Variants in OPCML observed in about 807,000 individuals in gnomAD.
OPCML encodes opioid binding protein/cell adhesion molecule like.
A neutral mutation model predicts 37.8 loss-of-function variants in OPCML; 13 were observed. The ratio of observed to expected loss-of-function variants is 0.34; its 90% CI spans 0.22 to 0.55. OPCML has a LOEUF of 0.55. Among genes scored for constraint, OPCML ranks in the 20% least tolerant of loss-of-function variants. OPCML has a pLI of 0.91. For synonymous variants in OPCML, 176 were observed against 168.8 expected, an observed-to-expected ratio of 1.04 and a Z score of -0.33; for missense variants, 341 against 435.6, an observed-to-expected ratio of 0.78 and a Z score of 1.93.
At chr11:132,792,449 GTAATTAA>G (rs1354400406) in intron 2 of OPCML, among the ~76,000 whole-genome samples, 2 of 152,194 alleles carry the variant, frequency 1.3e-5, no homozygotes, top group Non-Finnish European at 2.9e-5. Context: ...AAAGACTAAA[GTAATTAA>G]GGCTTTTCCT....
chr11:132,496,427 T>C (rs532333017), intron 4 of OPCML, among the ~76,000 whole-genome samples: 6 of 152,376 alleles, frequency 3.9e-5, no homozygotes, highest in African/African-American at 1.4e-4. Flanking sequence ...CTGAAATTAC[T>C]TCTAATGCTT....
Position 132,420,109 on chromosome 11 carries a change from C to A in OPCML, c.*84G>T. On this transcript the variant is annotated 3_prime_UTR_variant, in exon 8 of 8. Coordinates refer to ENST00000524381, the MANE Select transcript of OPCML (RefSeq NM_001012393.5). ...ATAACAGAAAAAAACAAAAAGAAGC[C>A]CAAGCTGGTTTGCTCTCCGCAGTGT... 2 of 1,065,848 alleles carry A rather than the reference C, an allele frequency of 1.9e-6. No homozygotes were observed. The highest frequency in any genetic ancestry group is 1.7e-5 in the South Asian group (1 of 59,526). The allele number at this position is 1,065,848 out of a possible 1,614,324, so 66.0% of individuals were successfully genotyped here. A position where few individuals can be genotyped will look rare whatever the true frequency, so the allele number is the denominator to read the frequency against.
At chr11:133,520,959 T>C (rs1455216462) in intron 1 of OPCML, among the ~76,000 whole-genome samples, 1 of 152,172 alleles carries the variant, frequency 6.6e-6, no homozygotes, top group Non-Finnish European at 1.5e-5. Context: ...GTTCCCTGGA[T>C]AGGCCTCCTG....
chr11:133,193,514 A>C (rs61910354), intron 1 of OPCML, among the ~76,000 whole-genome samples: 2,139 of 152,324 alleles, frequency 0.014, 22 homozygotes, highest in Non-Finnish European at 0.023. Flanking sequence ...ACAGGAGTTG[A>C]ATGACCACAA....
At chr11:132,698,646 AT>A (rs1483864422) in intron 2 of OPCML, among the ~76,000 whole-genome samples, 1 of 151,988 alleles carries the variant, frequency 6.6e-6, no homozygotes, top group African/African-American at 2.4e-5. Context: ...ATGCAATTCC[AT>A]TTGTTCATTT....
intron 3 of OPCML, among the ~76,000 whole-genome samples, chr11:132,583,850 G>A (rs542106455): frequency 5.3e-5 from 8 of 152,082 alleles, no homozygotes; most frequent in Admixed American, 4.6e-4. Context: ...CTGACCTCAG[G>A]TGATCCGCTC....
At position 132,623,066 on chromosome 11, in the gene OPCML, TGGA is replaced by T. The variant is rs1165270432; in HGVS notation, c.379+34018_379+34020del. ...AATTTTATTATCAGTTTGGGCTATTTGGAGGATGTTGGAAGCCTCAGGTCATTT... is the reference window on the plus strand; with the variant it reads ...AATTTTATTATCAGTTTGGGCTATTTGGATGTTGGAAGCCTCAGGTCATTT... On this transcript the variant is annotated intron_variant, in intron 3 of 7. Transcript: ENST00000524381. Among the ~76,000 whole-genome samples, 3 of 152,210 alleles carry T rather than the reference TGGA, an allele frequency of 2.0e-5. No homozygotes were observed. The South Asian group carries it at 6.2e-4, about 32-fold the overall frequency.
intron 1 of OPCML, among the ~76,000 whole-genome samples, chr11:132,992,929 G>C (rs774896900): frequency 2.6e-5 from 4 of 152,088 alleles, no homozygotes; most frequent in Non-Finnish European, 5.9e-5. Flanking sequence ...TGGTGAATTC[G>C]ATTAATCACA....
intron 1 of OPCML, among the ~76,000 whole-genome samples, chr11:133,354,292 CTGGTGG>C (rs796100134): frequency 1.1e-3 from 21 of 19,666 alleles, no homozygotes; most frequent in South Asian, 4.0e-3. Flanking sequence ...GATGGTGGTG[CTGGTGG>C]TGGTGACGTG....
chr11:132,858,655 C>T (rs1942166344), intron 2 of OPCML, among the ~76,000 whole-genome samples: 1 of 152,010 alleles, frequency 6.6e-6, no homozygotes, highest in African/African-American at 2.4e-5. Context: ...CTGGTAGCAG[C>T]ATTAGTCTTT....
At chr11:133,047,507 C>T (rs1948039238) in intron 1 of OPCML, among the ~76,000 whole-genome samples, 1 of 152,210 alleles carries the variant, frequency 6.6e-6, no homozygotes, top group Admixed American at 6.5e-5. Context: ...CCACTTGTTT[C>T]TGTCAGGGAA....
At chr11:132,496,226 T>G (rs1251167177) in intron 4 of OPCML, among the ~76,000 whole-genome samples, 1 of 152,168 alleles carries the variant, frequency 6.6e-6, no homozygotes, top group Non-Finnish European at 1.5e-5. Context: ...TGAGATAGCA[T>G]AAACGGATGG....
chr11:132,545,388 G>A (rs922691948), intron 3 of OPCML, among the ~76,000 whole-genome samples: 9 of 152,098 alleles, frequency 5.9e-5, no homozygotes, highest in Non-Finnish European at 1.0e-4. Context: ...TTTGCATAGC[G>A]AAATATTTTT....
intron 4 of OPCML, among the ~76,000 whole-genome samples, chr11:132,449,225 T>C (rs2096062734): frequency 6.6e-6 from 1 of 152,238 alleles, no homozygotes. Context: ...AAGAGAGGTT[T>C]TGACAATTAT....
chr11:133,194,205 CTTTTTT>C (rs34797390), intron 1 of OPCML, among the ~76,000 whole-genome samples: 2 of 106,942 alleles, frequency 1.9e-5, no homozygotes, highest in Non-Finnish European at 3.6e-5. Context: ...CCTTCCCCCA[CTTTTTT>C]TTTTTTTTTT....
chr11:132,440,398 G>A (rs535158270), intron 4 of OPCML, among the ~76,000 whole-genome samples: 3 of 151,734 alleles, frequency 2.0e-5, no homozygotes, highest in South Asian at 2.1e-4. Context: ...GGGATTCCAC[G>A]TTTCTGACAC....
chr11:132,783,146 C>G, intron 2 of OPCML, among the ~76,000 whole-genome samples: 1 of 152,102 alleles, frequency 6.6e-6, no homozygotes, highest in South Asian at 2.1e-4. Flanking sequence ...TCCCTACAGT[C>G]TCTTTCCTTT....
chr11:132,800,273 G>A (rs1164688344), intron 2 of OPCML, among the ~76,000 whole-genome samples: 2 of 152,060 alleles, frequency 1.3e-5, no homozygotes, highest in African/African-American at 4.8e-5. Flanking sequence ...CTGCAACCTT[G>A]CTTAACTCTT....
At chr11:133,083,816 G>A (rs1021529016) in intron 1 of OPCML, among the ~76,000 whole-genome samples, 6 of 152,216 alleles carry the variant, frequency 3.9e-5, no homozygotes, top group African/African-American at 1.2e-4. Flanking sequence ...GGAAGGATTC[G>A]CTGCACGGAA....
Sources: gnomAD v4.1 joint callset for allele counts (sites outside exome capture counted in the v4.1 genomes callset) on GRCh38, gnomAD v4.1.1 for gene constraint, MANE v1.5 for transcripts, NCBI Gene and HGNC (gene_info 2026-07-23, HGNC 2026-07-21) for gene names.